MAPK10: variants seen among roughly 807,000 people sequenced by gnomAD.
MAPK10 encodes mitogen-activated protein kinase 10, also known as JNK3 alpha protein kinase.
Under a neutral mutation model 59.3 loss-of-function variants are expected in MAPK10, and 25 were observed. The ratio of observed to expected loss-of-function variants is 0.42; its 90% CI spans 0.31 to 0.59. MAPK10 has a LOEUF of 0.59. Ranked by LOEUF, MAPK10 falls within the 20% of genes least tolerant of loss-of-function variation. The pLI is 0.15. For missense variants in MAPK10, 351 were observed against 568.9 expected (o/e 0.62, Z 3.90); for synonymous variants, 190 against 200.5 (o/e 0.95, Z 0.44).
At chr4:86,077,440 C>T (rs189357802) in intron 9 of MAPK10, among the ~76,000 whole-genome samples, 2 of 152,058 alleles carry the variant, frequency 1.3e-5, no homozygotes, top group Non-Finnish European at 2.9e-5. Context: ...TCCTTTTCTG[C>T]GTATTGTGGG....
At chr4:86,316,777 T>C (rs1168426764) in intron 2 of MAPK10, among the ~76,000 whole-genome samples, 1 of 152,156 alleles carries the variant, frequency 6.6e-6, no homozygotes, top group Non-Finnish European at 1.5e-5. Flanking sequence ...GTATCGTAGA[T>C]GCATGAGGAA....
chr4:86,485,444 A>G (rs1753917469), intron 1 of MAPK10, among the ~76,000 whole-genome samples: 1 of 152,192 alleles, frequency 6.6e-6, no homozygotes. Context: ...TCCTATGTCT[A>G]GCAAAGTGCA....
chr4:86,207,523 G>A (rs1174777545), intron 2 of MAPK10, among the ~76,000 whole-genome samples: 3 of 151,940 alleles, frequency 2.0e-5, no homozygotes, highest in African/African-American at 2.4e-5. Flanking sequence ...TTGACTTGGC[G>A]ATACGGGCTC....
chr4:86,262,213 A>T (rs1028763918), intron 2 of MAPK10, among the ~76,000 whole-genome samples: 6 of 152,108 alleles, frequency 3.9e-5, no homozygotes, highest in Non-Finnish European at 7.3e-5. Flanking sequence ...CTATCACAGG[A>T]GTGGGTTTCC....
At chr4:86,142,584 G>C (rs1003785018) in intron 4 of MAPK10, among the ~76,000 whole-genome samples, 1 of 152,130 alleles carries the variant, frequency 6.6e-6, no homozygotes, top group East Asian at 1.9e-4. Flanking sequence ...TATAAATTAT[G>C]TTAGATTGTT....
intron 4 of MAPK10, among the ~76,000 whole-genome samples, chr4:86,158,671 T>C (rs1373893666): frequency 6.6e-6 from 1 of 151,846 alleles, no homozygotes; most frequent in African/African-American, 2.4e-5. Flanking sequence ...GAAATGCTTA[T>C]CAATTAACCT....
intron 2 of MAPK10, among the ~76,000 whole-genome samples, chr4:86,328,808 A>G (rs576649647): frequency 6.6e-6 from 1 of 152,300 alleles, no homozygotes; most frequent in South Asian, 2.1e-4. Flanking sequence ...CAATGAGAAT[A>G]CATGGACACA....
chr4:86,558,992 T>C (rs1446118256), intron 1 of MAPK10, among the ~76,000 whole-genome samples: 1 of 152,174 alleles, frequency 6.6e-6, no homozygotes, highest in Non-Finnish European at 1.5e-5. Flanking sequence ...TTCAGGCTTG[T>C]GTTCTTTGTG....
chr4:86,500,991 AAACAGATTAG>A (rs1233770065), intron 1 of MAPK10, among the ~76,000 whole-genome samples: 1 of 152,068 alleles, frequency 6.6e-6, no homozygotes, highest in Non-Finnish European at 1.5e-5. Flanking sequence ...TTAAAAATAT[AAACAGATTAG>A]AAGGTTAGGG....
intron 4 of MAPK10, chr4:86,125,115 C>A (rs1179016339): frequency 6.6e-6 from 1 of 151,570 alleles, no homozygotes; most frequent in Non-Finnish European, 1.5e-5. Context: ...TAGCAGATAC[C>A]TAAGCCCCTT....
chr4:86,094,587 C>T (rs1316727255), intron 9 of MAPK10, among the ~76,000 whole-genome samples: 1 of 151,770 alleles, frequency 6.6e-6, no homozygotes, highest in Non-Finnish European at 1.5e-5. Context: ...CTAAAAGAAG[C>T]AGGTTTGAGG....
At chr4:86,089,211 G>C in intron 9 of MAPK10, 1 of 1,611,378 alleles carries the variant, frequency 6.2e-7, no homozygotes, top group Non-Finnish European at 8.5e-7. Flanking sequence ...GATACGATCA[G>C]TGCCAGGAAA....
chr4:86,435,139 A>G (rs985788694), intron 1 of MAPK10, among the ~76,000 whole-genome samples: 2 of 152,170 alleles, frequency 1.3e-5, no homozygotes, highest in African/African-American at 2.4e-5. Context: ...GGAAGGGGCC[A>G]GGGGATGAAA....
rs192318351 is a variant in MAPK10, at chr4:86,512,883, T to G, written c.-263+81027A>C. 2.2e-3 allele frequency among the ~76,000 whole-genome samples: 342 copies of G among 152,324 alleles called. 1 individual carries two copies. Among genetic ancestry groups the G allele is most frequent in the Non-Finnish European group, 3.2e-3 (218 of 68,030 alleles). ...ACTGCAAACCAGGATAAGAAGTTAA[T>G]GTCTTCATTCCTCAGACAGCTTTTC... On this transcript the variant is annotated intron_variant, in intron 1 of 4. Coordinates refer to the MAPK10 transcript ENST00000502302.
chr4:86,564,269 G>T (rs1384745963), intron 1 of MAPK10, among the ~76,000 whole-genome samples: 1 of 152,026 alleles, frequency 6.6e-6, no homozygotes, highest in African/African-American at 2.4e-5. Context: ...CTTCTTTTTT[G>T]CATAGCTTTG....
rs547922580 is a variant in MAPK10 at position 86,536,188 on chromosome 4, C to T, written c.-263+57722G>A. On this transcript the variant is annotated intron_variant, in intron 1 of 4. Coordinates refer to the MAPK10 transcript ENST00000502302. ...AAAAGCATAGTCTACACCAAAAAAC[C>T]TCTTGAACACTCAGCAGGCAGTTTC... is the stretch of plus-strand genomic sequence containing the variant. Among the ~76,000 whole-genome samples the T allele has an allele frequency of 5.3e-5, 8 of 152,332 alleles. No individual in the cohort carries two copies. The South Asian group carries it at 1.2e-3, about 24-fold the overall frequency.
intron 1 of MAPK10, among the ~76,000 whole-genome samples, chr4:86,438,260 T>A (rs1748999376): frequency 6.6e-6 from 1 of 152,210 alleles, no homozygotes; most frequent in Admixed American, 6.5e-5. Context: ...TAAATATGCT[T>A]ATAAAAGAGA....
At chr4:86,412,703 G>A (rs373361502) in intron 1 of MAPK10, among the ~76,000 whole-genome samples, 2 of 152,088 alleles carry the variant, frequency 1.3e-5, no homozygotes, top group Non-Finnish European at 2.9e-5. Flanking sequence ...GGCTATTGAA[G>A]CTTGTGCATG....
intron 13 of MAPK10, among the ~76,000 whole-genome samples, chr4:86,023,413 G>A (rs1227763484): frequency 6.6e-6 from 1 of 152,016 alleles, no homozygotes; most frequent in Non-Finnish European, 1.5e-5. Context: ...TGGATATTCT[G>A]TATCCTTTGC....
Sources: allele counts gnomAD v4.1 joint callset (sites outside exome capture counted in the v4.1 genomes callset), GRCh38; gene constraint gnomAD v4.1.1; transcripts MANE v1.5; gene names NCBI Gene and HGNC (gene_info 2026-07-23, HGNC 2026-07-21).